Variants in MGLL observed in about 807,000 individuals in gnomAD.
MGLL encodes monoglyceride lipase.
In MGLL, 7 loss-of-function variants were observed where a neutral mutation model predicts 29.1. The observed-to-expected ratio is 0.24, with a 90% CI of 0.14 to 0.45. The LOEUF (loss-of-function observed/expected upper bound fraction) is 0.45. Ranked by LOEUF, MGLL falls within the 20% of genes least tolerant of loss-of-function variation. The pLI, the probability that MGLL is intolerant of heterozygous loss-of-function variation, is 0.99. For missense variants in MGLL, 356 were observed against 413.6 expected (o/e 0.86, Z 1.21); for synonymous variants, 148 against 168.3 (o/e 0.88, Z 0.93).
intron 3 of MGLL, among the ~76,000 whole-genome samples, chr3:127,771,229 C>G (rs898438949): frequency 1.3e-5 from 2 of 152,228 alleles, no homozygotes; most frequent in African/African-American, 4.8e-5. Context: ...CCTGCACCAA[C>G]AGGAGCAGAG....
chr3:127,714,747 G>A (rs1343474299), intron 5 of MGLL, among the ~76,000 whole-genome samples: 6 of 152,222 alleles, frequency 3.9e-5, no homozygotes, highest in African/African-American at 4.8e-5. Flanking sequence ...GTGCAAAGAG[G>A]CAGGAGGGGA....
At chr3:127,696,829 G>A (rs1478063823) in intron 6 of MGLL, among the ~76,000 whole-genome samples, 2 of 152,156 alleles carry the variant, frequency 1.3e-5, no homozygotes, top group Non-Finnish European at 2.9e-5. Context: ...GGACGAGGAA[G>A]GAACATGCTG....
intron 5 of MGLL, 98 bp from the exon 6 acceptor site, chr3:127,710,763 C>G: frequency 9.2e-7 from 1 of 1,083,896 alleles, no homozygotes; most frequent in Non-Finnish European, 1.4e-6. Flanking sequence ...AGAGTGATGC[C>G]CAAACTGAAC....
intron 3 of MGLL, among the ~76,000 whole-genome samples, chr3:127,775,316 C>T (rs929863519): frequency 9.9e-5 from 15 of 152,184 alleles, no homozygotes; most frequent in African/African-American, 3.6e-4. Context: ...AAACGGTTAA[C>T]ACATTTTTCA....
intron 2 of MGLL, among the ~76,000 whole-genome samples, chr3:127,803,560 A>T (rs1207354174): frequency 6.6e-6 from 1 of 152,204 alleles, no homozygotes; most frequent in Non-Finnish European, 1.5e-5. Flanking sequence ...CTTTGAATGA[A>T]GATGTGCATA....
intron 3 of MGLL, among the ~76,000 whole-genome samples, chr3:127,744,287 A>G (rs1427872716): frequency 6.6e-6 from 1 of 152,246 alleles, no homozygotes; most frequent in African/African-American, 2.4e-5. Context: ...CAGAATGACA[A>G]AAAGTGTCAT....
intron 7 of MGLL, 131 bp downstream of exon 7, chr3:127,694,844 C>T (rs145711441): frequency 3.0e-5 from 24 of 788,148 alleles, no homozygotes; most frequent in Admixed American, 2.7e-4. Context: ...ATTTCTCGGT[C>T]AAGCAGGCTG....
chr3:127,710,880 A>T, intron 5 of MGLL: 132 of 551,304 alleles, frequency 2.4e-4, no homozygotes, highest in Middle Eastern at 5.2e-4. Context: ...ACCTTGGGGG[A>T]GCTGGCCAGG....
At chr3:127,732,366 G>A (rs962535244) in intron 3 of MGLL, among the ~76,000 whole-genome samples, 11 of 152,154 alleles carry the variant, frequency 7.2e-5, no homozygotes, top group Non-Finnish European at 1.3e-4. Context: ...AGACTAAAGG[G>A]CAGCGCTCAG....
chr3:127,723,555 C>T (rs2075974274), intron 3 of MGLL, among the ~76,000 whole-genome samples: 1 of 151,910 alleles, frequency 6.6e-6, no homozygotes, highest in African/African-American at 2.4e-5. Flanking sequence ...TTCCCAGTCG[C>T]CCCCCCACGG....
intron 3 of MGLL, among the ~76,000 whole-genome samples, chr3:127,775,790 A>C (rs2077025808): frequency 6.6e-6 from 1 of 152,216 alleles, no homozygotes; most frequent in South Asian, 2.1e-4. Context: ...GGCCCTTTCC[A>C]GCAGGACTGC....
rs146051234 is a variant in MGLL at position 127,790,754 on chromosome 3, G to A, written c.156-8859C>T. Among the ~76,000 whole-genome samples, 1,050 of 152,048 alleles carry A rather than the reference G, an allele frequency of 6.9e-3. 14 individuals are homozygous for A. The highest frequency in any genetic ancestry group is 0.025 in the African/African-American group (1,020 of 41,494). On this transcript the variant is annotated intron_variant, in intron 2 of 7. Transcript: ENST00000265052. ...GCACAGCCTGACTCCAGCCTGCCCC[G>A]CAGCCTCTTGCCTCCCCCACACCAG... is the stretch of plus-strand genomic sequence containing the variant.
intron 3 of MGLL, among the ~76,000 whole-genome samples, chr3:127,734,149 T>TGCA (rs2076202330): frequency 6.6e-6 from 1 of 152,222 alleles, no homozygotes; most frequent in South Asian, 2.1e-4. Flanking sequence ...GCTGCCTTGA[T>TGCA]GCAGCGCTGC....
intron 3 of MGLL, among the ~76,000 whole-genome samples, chr3:127,768,770 G>A (rs1559957414): frequency 6.6e-6 from 1 of 152,116 alleles, no homozygotes; most frequent in Non-Finnish European, 1.5e-5. Context: ...CTCTTTCAGG[G>A]AACCTAGCGC....
intron 6 of MGLL, among the ~76,000 whole-genome samples, chr3:127,701,251 T>TAGCAACAACAAA (rs2075478343): frequency 1.9e-5 from 2 of 105,090 alleles, no homozygotes; most frequent in Non-Finnish European, 3.7e-5. Context: ...CCAACAACAA[T>TAGCAACAACAAA]AGCAACAACA....
At chr3:127,797,999 T>C (rs1380642295) in intron 2 of MGLL, among the ~76,000 whole-genome samples, 1 of 152,206 alleles carries the variant, frequency 6.6e-6, no homozygotes, top group African/African-American at 2.4e-5. Flanking sequence ...GTTGATGTCA[T>C]CCAGAGCAGC....
At position 127,689,329 on chromosome 3, in the gene MGLL, A is replaced by G. The variant is rs2075204414; in HGVS notation, c.*2869T>C. 6.6e-6 allele frequency: 1 copy of G among 152,212 alleles called. No individual in the cohort carries two copies. Among genetic ancestry groups the G allele is most frequent in the Non-Finnish European group, 1.5e-5 (1 of 68,064 alleles). 9.4% of individuals were successfully genotyped at this position (152,212 alleles called of 1,614,324 possible). On this transcript the variant is annotated 3_prime_UTR_variant, in exon 8 of 8. Coordinates refer to ENST00000265052, the MANE Select transcript of MGLL (RefSeq NM_007283.7). ...CCTGTGGGTTTTCAGAGCACCCACC[A>G]GTGCTCCCTCGGTGAGCCCAGCACC...
intron 3 of MGLL, among the ~76,000 whole-genome samples, chr3:127,776,386 A>T (rs1376860309): frequency 6.6e-6 from 1 of 152,070 alleles, no homozygotes; most frequent in Non-Finnish European, 1.5e-5. Context: ...GGGGAGGGGG[A>T]GCCCAGGCTT....
intron 7 of MGLL, among the ~76,000 whole-genome samples, chr3:127,693,635 C>G (rs2075290260): frequency 6.6e-6 from 1 of 152,126 alleles, no homozygotes; most frequent in African/African-American, 2.4e-5. Flanking sequence ...GCTGCTTTCC[C>G]CCTGTCCCCC....
Sources: gnomAD v4.1 joint callset for allele counts (sites outside exome capture counted in the v4.1 genomes callset) on GRCh38, gnomAD v4.1.1 for gene constraint, MANE v1.5 for transcripts, NCBI Gene and HGNC (gene_info 2026-07-23, HGNC 2026-07-21) for gene names.